The following SPOPL variants were observed in gnomAD, a reference collection of about 807,000 sequenced individuals.
The protein encoded by SPOPL is speckle type BTB/POZ protein like, also known as speckle-type POZ protein-like.
In SPOPL, 23 loss-of-function variants were observed where a neutral mutation model predicts 53.8. The ratio of observed to expected loss-of-function variants is 0.43; its 90% CI spans 0.31 to 0.61. The LOEUF is 0.61. SPOPL is among the 20% of genes least tolerant of loss of function. The pLI, the probability that SPOPL is intolerant of heterozygous loss-of-function variation, is 0.12. For synonymous variants in SPOPL, 164 were observed against 149.7 expected (o/e 1.10, Z -0.70); for missense variants, 442 against 466.9 (o/e 0.95, Z 0.49).
At position 138,550,583 on chromosome 2, in the gene SPOPL, G is replaced by T; in HGVS notation, c.179G>T (p.Gly60Val). The T allele has an allele frequency of 6.3e-7, 1 of 1,597,866 alleles. No homozygotes were observed. The highest frequency in any genetic ancestry group is 8.5e-7 in the Non-Finnish European group (1 of 1,172,470). Residue 60 changes from glycine (G) to valine (V), a missense_variant, in exon 3 of 11, where the codon GGC becomes GTC. By Grantham distance (109) the Gly-to-Val change is moderately radical (BLOSUM62 -3). Transcript: ENST00000280098. ...EVLKSSTFSS[G>V]PSDKMKWCLR... The stretch of plus-strand genomic sequence containing the variant: ...TTAAAAAGTTCAACATTTTCATCTG[G>T]CCCAAGTGACAAAATGAAATGGTAA...
At chr2:138,542,963 T>C (rs1573893736) in intron 1 of SPOPL, among the ~76,000 whole-genome samples, 1 of 152,214 alleles carries the variant, frequency 6.6e-6, no homozygotes, top group African/African-American at 2.4e-5. Flanking sequence ...TTTGCTTGTC[T>C]GTAAAGGATG....
At chr2:138,546,363 C>A (rs1685195648) in intron 1 of SPOPL, among the ~76,000 whole-genome samples, 1 of 152,118 alleles carries the variant, frequency 6.6e-6, no homozygotes, top group Non-Finnish European at 1.5e-5. Context: ...TCATTGTACC[C>A]TCTCTGCAAC....
At chr2:138,509,191 C>T (rs1684276896) in intron 1 of SPOPL, among the ~76,000 whole-genome samples, 1 of 152,074 alleles carries the variant, frequency 6.6e-6, no homozygotes, top group Non-Finnish European at 1.5e-5. Context: ...GATGAAGATA[C>T]TCATCTCTGC....
chr2:138,571,612 G>C lies in SPOPL; in HGVS notation c.*2532G>C, dbSNP rs1481693023. The C allele has an allele frequency of 6.6e-6, 1 of 152,398 alleles. No homozygotes were observed. The highest frequency in any genetic ancestry group is 1.5e-5 in the Non-Finnish European group (1 of 67,976). The allele number at this position is 152,398 out of a possible 1,614,324, so 9.4% of individuals were successfully genotyped here. A position where few individuals can be genotyped will look rare whatever the true frequency, so the allele number is the denominator to read the frequency against. ...ATGATAAAAACACTTAATGTATTCT[G>C]ACATGAGTGCTCTAATAGCCTCCTT... is the stretch of plus-strand genomic sequence containing the variant. On this transcript the variant is annotated 3_prime_UTR_variant, in exon 11 of 11. Coordinates refer to ENST00000280098, the MANE Select transcript of SPOPL (RefSeq NM_001001664.3).
At chr2:138,547,757 A>T (rs1685228581) in intron 1 of SPOPL, among the ~76,000 whole-genome samples, 1 of 152,178 alleles carries the variant, frequency 6.6e-6, no homozygotes, top group South Asian at 2.1e-4. Flanking sequence ...TATCACTGAA[A>T]TGCCAAAGTG....
At chr2:138,555,219 T>G (rs1358118873) in intron 5 of SPOPL, among the ~76,000 whole-genome samples, 1 of 150,888 alleles carries the variant, frequency 6.6e-6, no homozygotes, top group African/African-American at 2.4e-5. Context: ...AACACATTAA[T>G]CCATTCATGA....
chr2:138,522,463 A>G (rs1001498366), intron 1 of SPOPL, among the ~76,000 whole-genome samples: 2 of 152,034 alleles, frequency 1.3e-5, no homozygotes, highest in Non-Finnish European at 2.9e-5. Context: ...CTTTTTTTTA[A>G]AACTGGGGTC....
chr2:138,545,472 C>T (rs376312856), intron 1 of SPOPL, among the ~76,000 whole-genome samples: 105 of 151,510 alleles, frequency 6.9e-4, no homozygotes, highest in South Asian at 2.7e-3. Context: ...CTTGCTCTGT[C>T]GCCCAGGCTG....
At chr2:138,528,956 C>T (rs1684739131) in intron 1 of SPOPL, among the ~76,000 whole-genome samples, 1 of 152,112 alleles carries the variant, frequency 6.6e-6, no homozygotes, top group Admixed American at 6.6e-5. Context: ...TTAAGCCTGG[C>T]ATATTGAAAA....
chr2:138,520,429 A>T (rs1390451546), intron 1 of SPOPL, among the ~76,000 whole-genome samples: 1 of 152,194 alleles, frequency 6.6e-6, no homozygotes, highest in Non-Finnish European at 1.5e-5. Context: ...ATACATGTAC[A>T]CAGACATACA....
At position 138,525,723 on chromosome 2, in the gene SPOPL, G is replaced by A. The variant is rs114930650; in HGVS notation, c.-61+23604G>A. Among the ~76,000 whole-genome samples, 733 of 151,252 alleles carry A rather than the reference G, an allele frequency of 4.8e-3. 3 individuals are homozygous for A. Among genetic ancestry groups the A allele is most frequent in the African/African-American group, 0.015 (637 of 41,160 alleles). On this transcript the variant is annotated intron_variant, in intron 1 of 10. Coordinates refer to ENST00000280098, the MANE Select transcript of SPOPL (RefSeq NM_001001664.3). Reference sequence around the variant, plus strand: ...TATGGTGGCACATGGCTGTATTCCCGGCTACTCAGGAGGCTGAGGCAGGAG... The same window carrying A: ...TATGGTGGCACATGGCTGTATTCCCAGCTACTCAGGAGGCTGAGGCAGGAG...
rs1423576723 is a variant in SPOPL, at chr2:138,501,791, CCGGGGCTGGAGT to C, written c.-386_-375del. ...GCGCACGCGCCCTCGCGGGCTGGAG[CCGGGGCTGGAGT>C]CGTAACTCGGAAGCCGGAGCCCAGA... On this transcript the variant is annotated 5_prime_UTR_variant, in exon 1 of 11. Transcript: ENST00000280098. The C allele has an allele frequency of 6.4e-6, 1 of 156,454 alleles. No homozygotes were observed. The highest frequency in any genetic ancestry group is 2.4e-5 in the African/African-American group (1 of 41,442). The allele number at this position is 156,454 out of a possible 1,614,324, so 9.7% of individuals were successfully genotyped here. A position where few individuals can be genotyped will look rare whatever the true frequency, so the allele number is the denominator to read the frequency against.
chr2:138,550,035 A>G lies in SPOPL; in HGVS notation c.-60-122A>G, dbSNP rs149253466. 4.5e-4 allele frequency: 225 copies of G among 498,712 alleles called. 2 individuals are homozygous for G. Among genetic ancestry groups the G allele is most frequent in the African/African-American group, 3.7e-3 (194 of 52,966 alleles). The allele number at this position is 498,712 out of a possible 1,614,324, so 30.9% of individuals were successfully genotyped here. A position where few individuals can be genotyped will look rare whatever the true frequency, so the allele number is the denominator to read the frequency against. On this transcript the variant is annotated intron_variant, in intron 1 of 10. Coordinates refer to ENST00000280098, the MANE Select transcript of SPOPL (RefSeq NM_001001664.3). ...ATCATTAAATTTATCTAAAATTCTC[A>G]CATGTTCCTTCATAATCTAGTTTGG... is the stretch of plus-strand genomic sequence containing the variant.
At position 138,568,865 on chromosome 2, in the gene SPOPL, AG is replaced by A. The variant is rs1017675585; in HGVS notation, c.1035-70del. 36 of 1,510,690 alleles carry A rather than the reference AG, an allele frequency of 2.4e-5. No homozygotes were observed. In the African/African-American group the frequency reaches 4.5e-4, roughly 19 times the overall value. 93.6% of individuals were successfully genotyped at this position (1,510,690 alleles called of 1,614,324 possible). A position where few individuals can be genotyped will look rare whatever the true frequency, so the allele number is the denominator to read the frequency against. The stretch of plus-strand genomic sequence containing the variant: ...ATATTTTGAAATTTGCAAGTTTTTA[AG>A]AAATTAACAGTGCAATAGTGCATTT... On this transcript the variant is annotated intron_variant, in intron 10 of 10. Transcript: ENST00000280098.
intron 1 of SPOPL, among the ~76,000 whole-genome samples, chr2:138,505,378 CTG>C (rs1429606586): frequency 4.6e-5 from 7 of 151,994 alleles, no homozygotes. Context: ...AACAACCCAT[CTG>C]TGCCAGTCTC....
chr2:138,571,725 C>T lies in SPOPL; in HGVS notation c.*2645C>T, dbSNP rs948988500. The stretch of plus-strand genomic sequence containing the variant: ...TTGAGCTATTAGCCTGTTCCTGTTT[C>T]CCTTTGTCACCTAAGCAAGGCTTTT... On this transcript the variant is annotated 3_prime_UTR_variant, in exon 11 of 11. Coordinates refer to ENST00000280098, the MANE Select transcript of SPOPL (RefSeq NM_001001664.3). The T allele has an allele frequency of 2.0e-5, 3 of 152,480 alleles. No homozygotes were observed. The highest frequency in any genetic ancestry group is 7.2e-5 in the African/African-American group (3 of 41,420). 9.4% of individuals were successfully genotyped at this position (152,480 alleles called of 1,614,324 possible). A position where few individuals can be genotyped will look rare whatever the true frequency, so the allele number is the denominator to read the frequency against.
intron 1 of SPOPL, among the ~76,000 whole-genome samples, chr2:138,503,394 C>G (rs1437897607): frequency 6.6e-6 from 1 of 152,188 alleles, no homozygotes; most frequent in Non-Finnish European, 1.5e-5. Flanking sequence ...GTACTTAAAA[C>G]AGTACCTGGC....
At chr2:138,519,994 CG>C (rs1331495790) in intron 1 of SPOPL, among the ~76,000 whole-genome samples, 1 of 151,962 alleles carries the variant, frequency 6.6e-6, no homozygotes, top group African/African-American at 2.4e-5. Context: ...GAAAGTTTTA[CG>C]GAAGAGGTGA....
At chr2:138,508,874 T>A (rs572125790) in intron 1 of SPOPL, among the ~76,000 whole-genome samples, 7 of 152,304 alleles carry the variant, frequency 4.6e-5, no homozygotes, top group African/African-American at 1.7e-4. Flanking sequence ...AACTGTGTGC[T>A]TTTCATGTAT....
Sources: allele counts gnomAD v4.1 joint callset (sites outside exome capture counted in the v4.1 genomes callset), GRCh38; gene constraint gnomAD v4.1.1; transcripts MANE v1.5; gene names NCBI Gene and HGNC (gene_info 2026-07-23, HGNC 2026-07-21).